TET3: variants seen among roughly 807,000 people sequenced by gnomAD.
The protein encoded by TET3 is methylcytosine dioxygenase TET3.
Under a neutral mutation model 141.4 loss-of-function variants are expected in TET3, and 19 were observed. The ratio of observed to expected loss-of-function variants is 0.13; its 90% CI spans 0.09 to 0.20. The LOEUF is 0.20. Among genes scored for constraint, TET3 ranks in the 10% least tolerant of loss-of-function variants. The pLI, the probability that TET3 is intolerant of heterozygous loss-of-function variation, is 1.00. For synonymous variants in TET3, 1,043 were observed against 980.9 expected (o/e 1.06, Z -1.18); for missense variants, 1,874 against 2,356.9 (o/e 0.80, Z 4.24).
intron 8 of TET3, among the ~76,000 whole-genome samples, chr2:74,091,705 T>C (rs1416863261): frequency 1.3e-5 from 2 of 152,234 alleles, no homozygotes; most frequent in Non-Finnish European, 2.9e-5. Context: ...TCTGTGTGCT[T>C]GGTTCTTTTT....
At chr2:74,116,576 T>G in the TET3 span, among the ~76,000 whole-genome samples, 1 of 151,418 alleles carries the variant, frequency 6.6e-6, no homozygotes, top group African/African-American at 2.4e-5. Context: ...TCCCAGCTAC[T>G]CGGCAGGCTG....
chr2:74,121,032 T>C, the TET3 span: 2 of 151,578 alleles, frequency 1.3e-5, no homozygotes, highest in African/African-American at 4.9e-5. Context: ...AGAGACTTGA[T>C]GGAAGCAACT....
the TET3 span, among the ~76,000 whole-genome samples, chr2:74,124,795 C>G: frequency 6.6e-6 from 1 of 151,738 alleles, no homozygotes; most frequent in East Asian, 1.9e-4. Context: ...TGCGGAAGGC[C>G]GCAGGGTCCT....
intron 10 of TET3, among the ~76,000 whole-genome samples, chr2:74,097,372 C>T (rs1198054600): frequency 6.6e-6 from 1 of 152,048 alleles, no homozygotes; most frequent in South Asian, 2.1e-4. Flanking sequence ...TAAAAAATGA[C>T]AAGTCGTATA....
intron 4 of TET3, among the ~76,000 whole-genome samples, chr2:74,070,764 G>A (rs568262035): frequency 2.1e-4 from 32 of 152,208 alleles, no homozygotes; most frequent in African/African-American, 6.3e-4. Context: ...GATTGAGCCC[G>A]GGAGTTGGAG....
At chr2:74,026,811 A>C (rs2105272413) in intron 3 of TET3, among the ~76,000 whole-genome samples, 1 of 151,654 alleles carries the variant, frequency 6.6e-6, no homozygotes, top group East Asian at 1.9e-4. Flanking sequence ...CCAGGGAATC[A>C]GCTGGTTTTA....
At chr2:74,049,873 CAA>C (rs1486196068) in intron 4 of TET3, among the ~76,000 whole-genome samples, 2 of 152,070 alleles carry the variant, frequency 1.3e-5, no homozygotes, top group Non-Finnish European at 2.9e-5. Flanking sequence ...GCCAGGCACT[CAA>C]GAGACATGCT....
At position 74,048,369 on chromosome 2, in the gene TET3, G is replaced by T; in HGVS notation, c.2452G>T (p.Ala818Ser). ...TPTKSLLDTP[A>S]KRAQAEFPTC... ...CACCAAGAGTCTGCTGGACACACCT[G>T]CCAAGAGAGCCCAGGCCGAGTTCCC... Residue 818 changes from alanine to serine, a missense_variant, in exon 4 of 12, where the codon GCC becomes TCC. By Grantham distance (99) the Ala-to-Ser change is moderately conservative. Around this residue, in one of 10 missense-constraint regions of TET3, gnomAD observed 83 missense variants for 107.0 expected, o/e 0.78. Coordinates refer to ENST00000409262, the MANE Select transcript of TET3 (RefSeq NM_001287491.2). 1.2e-6 allele frequency: 2 copies of T among 1,612,846 alleles called. No individual in the cohort carries two copies. The highest frequency in any genetic ancestry group is 8.5e-7 in the Non-Finnish European group (1 of 1,179,464).
intron 4 of TET3, among the ~76,000 whole-genome samples, chr2:74,070,414 A>G (rs1260639164): frequency 6.6e-6 from 1 of 152,184 alleles, no homozygotes; most frequent in Admixed American, 6.5e-5. Flanking sequence ...AACTGCCTCC[A>G]TGATTCAGTT....
At chr2:73,996,184 G>C (rs1204315946) in intron 2 of TET3, among the ~76,000 whole-genome samples, 1 of 152,216 alleles carries the variant, frequency 6.6e-6, no homozygotes. Context: ...CGGGCCGGAA[G>C]ACCAGGTCCA....
chr2:74,017,435 CT>C (rs1261290011), intron 3 of TET3, among the ~76,000 whole-genome samples: 4 of 152,226 alleles, frequency 2.6e-5, no homozygotes, highest in African/African-American at 9.6e-5. Context: ...GTTCTTCTCT[CT>C]GTTTCTATGA....
intron 3 of TET3, among the ~76,000 whole-genome samples, chr2:74,017,074 T>C (rs72905281): frequency 0.087 from 13,149 of 151,956 alleles, 1,936 homozygotes; most frequent in African/African-American, 0.3. Context: ...TTGCTTGAGG[T>C]GGGAAGTTCA....
intron 3 of TET3, among the ~76,000 whole-genome samples, chr2:74,041,222 C>T (rs1019114101): frequency 8.5e-5 from 13 of 152,122 alleles, no homozygotes; most frequent in African/African-American, 3.1e-4. Context: ...CTCTCTTTAC[C>T]CATTTTCTAA....
At chr2:74,064,460 T>C (rs971491788) in intron 4 of TET3, among the ~76,000 whole-genome samples, 1 of 152,192 alleles carries the variant, frequency 6.6e-6, no homozygotes, top group East Asian at 1.9e-4. Context: ...AGTTCGGTGG[T>C]GTGATTCCCA....
intron 3 of TET3, among the ~76,000 whole-genome samples, chr2:74,008,126 G>C (rs1289375065): frequency 6.6e-6 from 1 of 152,158 alleles, no homozygotes; most frequent in Non-Finnish European, 1.5e-5. Flanking sequence ...TAGGGTCTCT[G>C]TTTTGATGCC....
At chr2:74,099,161 G>A in intron 10 of TET3, 115 bp from the exon 11 acceptor site, 1 of 916,706 alleles carries the variant, frequency 1.1e-6, no homozygotes, top group Non-Finnish European at 1.6e-6. Context: ...AGTAGTGGCT[G>A]GTATTGGGAT....
chr2:74,114,752 G>C, the TET3 span, among the ~76,000 whole-genome samples: 1 of 148,716 alleles, frequency 6.7e-6, no homozygotes, highest in Admixed American at 6.9e-5. Flanking sequence ...TACTCAGGAG[G>C]CTGAGGCAGG....
intron 2 of TET3, among the ~76,000 whole-genome samples, chr2:73,989,696 G>A (rs570665883): frequency 1.3e-5 from 2 of 150,114 alleles, no homozygotes; most frequent in Admixed American, 1.3e-4. Flanking sequence ...TAGTAGCTGT[G>A]GTCTTCCTTC....
At chr2:74,003,430 T>G (rs978007725) in intron 3 of TET3, among the ~76,000 whole-genome samples, 2 of 150,558 alleles carry the variant, frequency 1.3e-5, no homozygotes, top group African/African-American at 4.9e-5. Flanking sequence ...AACTGTTTTT[T>G]TTTTTTTTTT....
Sources: gnomAD v4.1 joint callset for allele counts (sites outside exome capture counted in the v4.1 genomes callset) on GRCh38, gnomAD v4.1.1 for gene constraint, gnomAD v4.1.1 regional missense constraint, MANE v1.5 for transcripts, NCBI Gene and HGNC (gene_info 2026-07-23, HGNC 2026-07-21) for gene names.